Variants in AKT2 observed in about 807,000 individuals in gnomAD.
The protein encoded by AKT2 is RAC-beta serine/threonine-protein kinase.
In AKT2, 16 loss-of-function variants were observed where a neutral mutation model predicts 58.6. That is an observed-to-expected ratio of 0.27 (90% CI 0.18 to 0.41). The LOEUF is 0.41. Among genes scored for constraint, AKT2 ranks in the 10% least tolerant of loss-of-function variants. AKT2 has a pLI of 1.00. For missense variants in AKT2, 438 were observed against 661.0 expected (o/e 0.66, Z 3.70); for synonymous variants, 253 against 254.0 (o/e 1.00, Z 0.04).
At position 40,275,577 on chromosome 19, in the gene AKT2, A is replaced by G. The variant is rs191036645; in HGVS notation, c.-85+9604T>C. ...GGTGCAGGAGAGGGACCGCAACCAGAGCAGAACTAGCCCACAGACCTTTCC... is the reference window on the plus strand; with the variant it reads ...GGTGCAGGAGAGGGACCGCAACCAGGGCAGAACTAGCCCACAGACCTTTCC... On this transcript the variant is annotated intron_variant, in intron 1 of 13. Transcript: ENST00000392038. The G allele has an allele frequency of 1.2e-3, 424 of 341,458 alleles. 3 individuals are homozygous for G. The highest frequency in any genetic ancestry group is 7.4e-3 in the African/African-American group (344 of 46,678). The allele number at this position is 341,458 out of a possible 1,614,324, so 21.2% of individuals were successfully genotyped here.
At chr19:40,251,999 C>T (rs898902306) in intron 4 of AKT2, among the ~76,000 whole-genome samples, 2 of 152,200 alleles carry the variant, frequency 1.3e-5, no homozygotes, top group South Asian at 2.1e-4. Flanking sequence ...ATGTGAAACA[C>T]GTCTGCAGTG....
At chr19:40,264,269 C>T (rs1230390483) in intron 2 of AKT2, among the ~76,000 whole-genome samples, 2 of 152,170 alleles carry the variant, frequency 1.3e-5, no homozygotes, top group Non-Finnish European at 2.9e-5. Context: ...CAGCAGGTGG[C>T]GCTTCTCCCC....
At chr19:40,284,223 C>T (rs916703669) in intron 1 of AKT2, among the ~76,000 whole-genome samples, 1 of 152,106 alleles carries the variant, frequency 6.6e-6, no homozygotes, top group African/African-American at 2.4e-5. Context: ...AAGAGGTGTT[C>T]CCCCAAACAC....
Position 40,235,288 on chromosome 19 carries a change from T to C in AKT2, c.1238A>G (p.Asn413Ser), listed in dbSNP as rs1470884234. Reference sequence around the variant, plus strand: ...CTTCTTCTGGACCACGTCCTGCCAGTTGATGCTGAGGAAGAACCTGTGCTC... The same window carrying C: ...CTTCTTCTGGACCACGTCCTGCCAGCTGATGCTGAGGAAGAACCTGTGCTC... ...VMEHRFFLSI[N>S]WQDVVQKKLL... The change falls in exon 12 of 14, where the codon AAC becomes AGC. Residue 413 changes from asparagine to serine, a missense_variant. By Grantham distance (46) the Asn-to-Ser change is conservative (BLOSUM62 1). Transcript: ENST00000392038. The surrounding 1 kb of genome is among the most constrained non-coding windows in gnomAD (Gnocchi z 6.3). 6.2e-7 allele frequency: 1 copy of C among 1,614,056 alleles called. No homozygotes were observed. Among genetic ancestry groups the C allele is most frequent in the South Asian group, 1.1e-5 (1 of 91,084 alleles).
rs1974440646 is a variant in AKT2 at position 40,242,040 on chromosome 19, G to A, written c.471C>T (p.Leu157=). Residue 157 remains leucine, a synonymous_variant, in exon 6 of 14, where the codon CTC becomes CTT. Transcript: ENST00000392038. The surrounding 1 kb of genome is among the most constrained non-coding windows in gnomAD (Gnocchi z 4.3). ...CTTTGCCAAAGGTTCCCTTGCCAAG[G>A]AGTTTGAGATAGTCGAAGTCATTCA... ...VTMNDFDYLK[L]LGKGTFGKVI... is the part of the protein sequence containing the mutation. 6.2e-7 allele frequency: 1 copy of A among 1,614,266 alleles called. No homozygotes were observed. The highest frequency in any genetic ancestry group is 1.1e-5 in the South Asian group (1 of 91,090).
At chr19:40,268,297 C>T (rs1976505581) in intron 1 of AKT2, among the ~76,000 whole-genome samples, 1 of 152,240 alleles carries the variant, frequency 6.6e-6, no homozygotes, top group Non-Finnish European at 1.5e-5. Flanking sequence ...CCTTGTAATG[C>T]AGCAGCACTA....
chr19:40,281,116 C>T (rs1452076579), intron 1 of AKT2, among the ~76,000 whole-genome samples: 3 of 152,148 alleles, frequency 2.0e-5, no homozygotes, highest in Non-Finnish European at 2.9e-5. Flanking sequence ...TGCAGCACAG[C>T]CCCTGCCAAC....
intron 1 of AKT2, chr19:40,275,003 C>T (rs950952521): frequency 2.2e-6 from 1 of 451,860 alleles, no homozygotes; most frequent in African/African-American, 2.0e-5. Context: ...AAGCCCTGGG[C>T]ACTGGCCTGA....
At chr19:40,260,005 T>C (rs940633989) in intron 2 of AKT2, among the ~76,000 whole-genome samples, 2 of 151,888 alleles carry the variant, frequency 1.3e-5, no homozygotes, top group African/African-American at 4.8e-5. Context: ...ATACAAAAAT[T>C]AGCCGGGCGT....
rs575301580 is a variant in AKT2 at position 40,237,797 on chromosome 19, C to T, written c.831+172G>A. 1.8e-3 allele frequency: 1,596 copies of T among 907,716 alleles called. 20 individuals carry two copies. Among genetic ancestry groups the T allele is most frequent in the South Asian group, 0.015 (942 of 62,544 alleles). 56.2% of individuals were successfully genotyped at this position (907,716 alleles called of 1,614,324 possible). ...TGGTGGGGAGCCTGGTGAATGAGGGCAGCCACCACCCTGGACCTTGGTGGG... is the reference window on the plus strand; with the variant it reads ...TGGTGGGGAGCCTGGTGAATGAGGGTAGCCACCACCCTGGACCTTGGTGGG... On this transcript the variant is annotated intron_variant, in intron 9 of 13. Coordinates refer to ENST00000392038, the MANE Select transcript of AKT2 (RefSeq NM_001626.6). This position sits in a 1 kb window ranked among gnomAD's most constrained non-coding sequence, Gnocchi z 4.5.
chr19:40,267,755 TG>T (rs1342129030), intron 1 of AKT2, among the ~76,000 whole-genome samples: 2 of 152,012 alleles, frequency 1.3e-5, no homozygotes, highest in African/African-American at 4.8e-5. Context: ...AGACCCCGGA[TG>T]GTACCAGCAA....
intron 1 of AKT2, among the ~76,000 whole-genome samples, chr19:40,271,823 G>T (rs2077221537): frequency 6.6e-6 from 1 of 152,192 alleles, no homozygotes; most frequent in Non-Finnish European, 1.5e-5. Flanking sequence ...AAAGCCAACA[G>T]AACACCTTCC....
chr19:40,236,763 C>T, intron 9 of AKT2: 1 of 318,344 alleles, frequency 3.1e-6, no homozygotes, highest in South Asian at 2.7e-5. Flanking sequence ...GTGGCTCACA[C>T]CTGTAATCCC....
At chr19:40,281,861 A>T (rs1347878548) in intron 1 of AKT2, among the ~76,000 whole-genome samples, 2 of 152,254 alleles carry the variant, frequency 1.3e-5, no homozygotes, top group East Asian at 3.8e-4. Context: ...GTATGCCAGA[A>T]CAGTTATGAA....
chr19:40,282,924 CCA>C, intron 1 of AKT2: 1 of 171,704 alleles, frequency 5.8e-6, no homozygotes, highest in Non-Finnish European at 1.3e-5. Context: ...CACACCTCTC[CCA>C]CTTCAGCTAT....
intron 1 of AKT2, chr19:40,275,410 C>A: frequency 2.3e-6 from 1 of 426,954 alleles, no homozygotes; most frequent in Non-Finnish European, 4.8e-6. Context: ...TGCATCAAGG[C>A]TAATACTCAG....
At chr19:40,252,724 T>C (rs899127559) in intron 4 of AKT2, among the ~76,000 whole-genome samples, 1 of 152,226 alleles carries the variant, frequency 6.6e-6, no homozygotes, top group Non-Finnish European at 1.5e-5. Context: ...GTCTCTGGAA[T>C]GCATGAGCTA....
At chr19:40,265,623 G>A in intron 1 of AKT2, 2 of 414,568 alleles carry the variant, frequency 4.8e-6, no homozygotes, top group Non-Finnish European at 9.1e-6. Flanking sequence ...GGGGGGAGGT[G>A]GCCCCTCCAC....
intron 1 of AKT2, chr19:40,275,421 T>C: frequency 2.4e-6 from 1 of 415,026 alleles, no homozygotes; most frequent in Middle Eastern, 3.5e-4. Flanking sequence ...TAATACTCAG[T>C]GAGCACTCAC....
Sources: gnomAD v4.1 joint callset for allele counts (sites outside exome capture counted in the v4.1 genomes callset) on GRCh38, gnomAD v4.1.1 for gene constraint, Gnocchi (gnomAD v3.1) non-coding constraint, MANE v1.5 for transcripts, NCBI Gene and HGNC (gene_info 2026-07-23, HGNC 2026-07-21) for gene names.